Variants in IGSF21 observed in about 807,000 individuals in gnomAD.
The protein encoded by IGSF21 is immunoglobin superfamily member 21.
In IGSF21, 28 loss-of-function variants were observed where a neutral mutation model predicts 46.8. The ratio of observed to expected loss-of-function variants is 0.60; its 90% CI spans 0.44 to 0.82. IGSF21 has a LOEUF of 0.82. Ranked by LOEUF, IGSF21 falls within the 40% of genes least tolerant of loss-of-function variation. IGSF21 has a pLI of 0.00. For missense variants in IGSF21, 624 were observed against 665.5 expected (o/e 0.94, Z 0.69); for synonymous variants, 284 against 273.6 (o/e 1.04, Z -0.38).
chr1:18,314,960 A>G (rs944696253), intron 3 of IGSF21, among the ~76,000 whole-genome samples: 3 of 152,016 alleles, frequency 2.0e-5, no homozygotes, highest in Non-Finnish European at 4.4e-5. Context: ...GCAGGAGGGA[A>G]AGGGGTTTGG....
At chr1:18,244,824 A>ATAC (rs1338954272) in intron 2 of IGSF21, among the ~76,000 whole-genome samples, 3 of 152,202 alleles carry the variant, frequency 2.0e-5, no homozygotes, top group African/African-American at 7.2e-5. Flanking sequence ...AATAATAATA[A>ATAC]TACTTCTCCT....
At chr1:18,204,283 A>G (rs2087104824) in intron 1 of IGSF21, among the ~76,000 whole-genome samples, 1 of 152,212 alleles carries the variant, frequency 6.6e-6, no homozygotes, top group Non-Finnish European at 1.5e-5. Flanking sequence ...TGTTGGTTAA[A>G]TGGCAGAGCT....
intron 2 of IGSF21, among the ~76,000 whole-genome samples, chr1:18,258,883 C>A (rs947655150): frequency 1.3e-5 from 2 of 152,206 alleles, no homozygotes; most frequent in African/African-American, 4.8e-5. Flanking sequence ...TCCAGACATG[C>A]TTTCTGCAAC....
intron 2 of IGSF21, among the ~76,000 whole-genome samples, chr1:18,275,544 C>A (rs2085092436): frequency 6.6e-6 from 1 of 152,170 alleles, no homozygotes; most frequent in South Asian, 2.1e-4. Flanking sequence ...TCTGACGATG[C>A]TGTTCTCCCC....
chr1:18,130,418 C>T (rs1020965551), intron 1 of IGSF21, among the ~76,000 whole-genome samples: 2 of 152,206 alleles, frequency 1.3e-5, no homozygotes, highest in South Asian at 2.1e-4. Flanking sequence ...AAGGGGCTGG[C>T]TCTCTCTGGG....
At chr1:18,158,303 G>T (rs955869118) in intron 1 of IGSF21, among the ~76,000 whole-genome samples, 7 of 152,204 alleles carry the variant, frequency 4.6e-5, no homozygotes, top group African/African-American at 1.7e-4. Context: ...TGCACCCTCG[G>T]CATTAATTAG....
At chr1:18,257,504 A>T (rs965018043) in intron 2 of IGSF21, among the ~76,000 whole-genome samples, 1 of 152,158 alleles carries the variant, frequency 6.6e-6, no homozygotes, top group Non-Finnish European at 1.5e-5. Context: ...AGTGGAGGCT[A>T]CGGAGGCTCA....
chr1:18,358,563 A>G (rs1303625964), intron 4 of IGSF21, among the ~76,000 whole-genome samples: 1 of 152,186 alleles, frequency 6.6e-6, no homozygotes, highest in African/African-American at 2.4e-5. Context: ...TCCTCACTAA[A>G]CTGTGAATGC....
At chr1:18,198,420 A>C (rs971623661) in intron 1 of IGSF21, among the ~76,000 whole-genome samples, 1 of 152,184 alleles carries the variant, frequency 6.6e-6, no homozygotes, top group African/African-American at 2.4e-5. Context: ...AGCAGCTGTC[A>C]TTGTAAGAAC....
chr1:18,335,031 C>T lies in IGSF21; in HGVS notation c.424+21C>T, dbSNP rs1198816731. On this transcript the variant is annotated intron_variant, in intron 4 of 9. Transcript: ENST00000251296. The surrounding 1 kb of genome is among the most constrained non-coding windows in gnomAD (Gnocchi z 4.8). ...CATGGGTGAGTGCAGGGCCACTGGC[C>T]CCTGGTGTCTCAGTGAGGAGGACGA... The T allele has an allele frequency of 6.4e-7, 1 of 1,569,710 alleles. No homozygotes were observed. Among genetic ancestry groups the T allele is most frequent in the Admixed American group, 1.7e-5 (1 of 59,950 alleles).
chr1:18,163,021 T>G (rs1481658399), intron 1 of IGSF21, among the ~76,000 whole-genome samples: 1 of 152,042 alleles, frequency 6.6e-6, no homozygotes, highest in Non-Finnish European at 1.5e-5. Context: ...CCATGCAGGA[T>G]TTGGACATGG....
At chr1:18,275,711 T>C (rs2085094019) in intron 2 of IGSF21, among the ~76,000 whole-genome samples, 1 of 152,186 alleles carries the variant, frequency 6.6e-6, no homozygotes. Flanking sequence ...CTAAAGTCTG[T>C]GTCATCTGCC....
At chr1:18,356,948 G>T (rs1172934173) in intron 4 of IGSF21, among the ~76,000 whole-genome samples, 1 of 151,328 alleles carries the variant, frequency 6.6e-6, no homozygotes, top group Admixed American at 6.6e-5. Flanking sequence ...GGGGAGGGAT[G>T]GAAATGGAGC....
intron 1 of IGSF21, among the ~76,000 whole-genome samples, chr1:18,215,116 C>G (rs533534975): frequency 1.3e-5 from 2 of 152,314 alleles, no homozygotes; most frequent in South Asian, 2.1e-4. Context: ...AATCTGCCCC[C>G]GTGATCCAGT....
intron 1 of IGSF21, among the ~76,000 whole-genome samples, chr1:18,184,089 C>T (rs2086881228): frequency 6.6e-6 from 1 of 152,118 alleles, no homozygotes; most frequent in Admixed American, 6.6e-5. Context: ...TATTCATCAG[C>T]CATGTGACTT....
intron 2 of IGSF21, among the ~76,000 whole-genome samples, chr1:18,243,296 G>A (rs555184011): frequency 2.6e-5 from 4 of 152,140 alleles, no homozygotes; most frequent in Non-Finnish European, 4.4e-5. Flanking sequence ...CCACCTCAGC[G>A]AACGGCATCA....
At chr1:18,146,747 C>G (rs952956046) in intron 1 of IGSF21, among the ~76,000 whole-genome samples, 2 of 152,138 alleles carry the variant, frequency 1.3e-5, no homozygotes, top group Non-Finnish European at 2.9e-5. Context: ...CTCTCCCCAG[C>G]CTTTCTTCCA....
chr1:18,126,404 G>A (rs964094882), intron 1 of IGSF21, among the ~76,000 whole-genome samples: 1 of 152,182 alleles, frequency 6.6e-6, no homozygotes. Flanking sequence ...CACATGTGGG[G>A]AAACTGAGGA....
intron 2 of IGSF21, among the ~76,000 whole-genome samples, chr1:18,241,512 T>C (rs565800716): frequency 6.6e-6 from 1 of 152,328 alleles, no homozygotes; most frequent in East Asian, 1.9e-4. Context: ...AACCCAACTC[T>C]CTGACTACAA....
Sources: gnomAD v4.1 joint callset for allele counts (sites outside exome capture counted in the v4.1 genomes callset) on GRCh38, gnomAD v4.1.1 for gene constraint, Gnocchi (gnomAD v3.1) non-coding constraint, MANE v1.5 for transcripts, NCBI Gene and HGNC (gene_info 2026-07-23, HGNC 2026-07-21) for gene names.